NSMCE2: variants seen among roughly 807,000 people sequenced by gnomAD.
The protein encoded by NSMCE2 is E3 SUMO-protein ligase NSE2.
In NSMCE2, 24 loss-of-function variants were observed where a neutral mutation model predicts 23.8. The observed-to-expected ratio is 1.01, with a 90% CI of 0.73 to 1.42. The LOEUF (loss-of-function observed/expected upper bound fraction) is 1.42, where lower values mean the gene tolerates loss of function less well. NSMCE2 is among the 40% of genes most tolerant of loss of function. The pLI is 0.00. For missense variants in NSMCE2, 284 were observed against 296.5 expected (o/e 0.96, Z 0.31); for synonymous variants, 92 against 94.1 (o/e 0.98, Z 0.13).
At position 125,235,761 on chromosome 8, in the gene NSMCE2, A is replaced by C. The variant is rs948774785; in HGVS notation, c.418+53505A>C. Among the ~76,000 whole-genome samples, 26 of 152,362 alleles carry C rather than the reference A, an allele frequency of 1.7e-4. 1 individual carries two copies. The highest frequency in any genetic ancestry group is 1.3e-4 in the Admixed American group (2 of 15,306). ...TCTTCCTTTGGAAAAGAAAATGGAA[A>C]GTCCTCAAGAGCAGGAATGGTTACA... On this transcript the variant is annotated intron_variant, in intron 5 of 7. Transcript: ENST00000287437.
chr8:125,328,445 G>A (rs904679158), intron 5 of NSMCE2, among the ~76,000 whole-genome samples: 75 of 152,290 alleles, frequency 4.9e-4, no homozygotes, highest in Non-Finnish European at 7.9e-4. Context: ...TGAGCACCTC[G>A]AGGGCCTGGA....
In NSMCE2 at chr8:125,303,918, G is replaced by A. The variant is rs74423150; in HGVS notation, c.419-53301G>A. Among the ~76,000 whole-genome samples the A allele has an allele frequency of 4.4e-3, 670 of 152,294 alleles. 6 individuals are homozygous for A. The highest frequency in any genetic ancestry group is 0.016 in the African/African-American group (646 of 41,560). On this transcript the variant is annotated intron_variant, in intron 5 of 7. Transcript: ENST00000287437. Reference sequence around the variant, plus strand: ...AAGATGCATGTCACCTACTTCTTGTGCTGGCTAAAGAAACAATGTTCTTTC... The same window carrying A: ...AAGATGCATGTCACCTACTTCTTGTACTGGCTAAAGAAACAATGTTCTTTC...
At chr8:125,351,695 T>C (rs1036578240) in intron 5 of NSMCE2, among the ~76,000 whole-genome samples, 1 of 152,170 alleles carries the variant, frequency 6.6e-6, no homozygotes, top group African/African-American at 2.4e-5. Context: ...AATGTAGATA[T>C]TTTCTACATT....
intron 5 of NSMCE2, among the ~76,000 whole-genome samples, chr8:125,185,563 C>T (rs1563705302): frequency 6.6e-6 from 1 of 152,320 alleles, no homozygotes; most frequent in South Asian, 2.1e-4. Flanking sequence ...GCCTCAGCCT[C>T]CCAAAATGTT....
intron 5 of NSMCE2, among the ~76,000 whole-genome samples, chr8:125,211,631 G>A (rs929574486): frequency 6.6e-6 from 1 of 152,122 alleles, no homozygotes; most frequent in Non-Finnish European, 1.5e-5. Context: ...AAGGAGACGT[G>A]AATTTTTAGA....
At chr8:125,294,219 C>G (rs1165966540) in intron 5 of NSMCE2, among the ~76,000 whole-genome samples, 1 of 152,096 alleles carries the variant, frequency 6.6e-6, no homozygotes, top group Non-Finnish European at 1.5e-5. Flanking sequence ...TGATGGTCAT[C>G]TGGGTTCTTT....
intron 5 of NSMCE2, among the ~76,000 whole-genome samples, chr8:125,296,157 A>G (rs1390235615): frequency 6.6e-6 from 1 of 152,178 alleles, no homozygotes; most frequent in Non-Finnish European, 1.5e-5. Flanking sequence ...CCATGGCCCT[A>G]TGAACTAGGT....
chr8:125,260,920 G>A (rs1407151264), intron 5 of NSMCE2, among the ~76,000 whole-genome samples: 1 of 151,806 alleles, frequency 6.6e-6, no homozygotes, highest in Non-Finnish European at 1.5e-5. Flanking sequence ...CATCATGCCT[G>A]GCCAAATTTC....
chr8:125,180,069 G>A (rs568563360), intron 4 of NSMCE2, among the ~76,000 whole-genome samples: 9 of 152,226 alleles, frequency 5.9e-5, no homozygotes, highest in African/African-American at 2.2e-4. Flanking sequence ...CTAAGAACCA[G>A]CAATTTATTT....
rs143065139 is a variant in NSMCE2 at position 125,363,542 on chromosome 8, AAG to A, written c.627-3207_627-3206del. Reference sequence around the variant, plus strand: ...GAGGAGAGAAAGAAAGAAAGAAAGAAAGAGAGAGAGAGAGAGAGAGGGAGGGA... The same window carrying A: ...GAGGAGAGAAAGAAAGAAAGAAAGAAAGAGAGAGAGAGAGAGAGGGAGGGA... On this transcript the variant is annotated intron_variant, in intron 7 of 7. Transcript: ENST00000287437. Among the ~76,000 whole-genome samples the A allele has an allele frequency of 1.4e-3, 148 of 102,914 alleles. 1 individual carries two copies. The highest frequency in any genetic ancestry group is 2.9e-3 in the African/African-American group (79 of 27,234). 67.5% of individuals were successfully genotyped at this position (102,914 alleles called of 152,430 possible).
chr8:125,333,470 CTAGATTTCTTTCTAATG>C (rs1164497863), intron 5 of NSMCE2, among the ~76,000 whole-genome samples: 1 of 139,386 alleles, frequency 7.2e-6, no homozygotes, highest in East Asian at 2.1e-4. Flanking sequence ...CCACGCCTTG[CTAGATTTCTTTCTAATG>C]TAGTTTTCCT....
chr8:125,332,186 T>G (rs1264992648), intron 5 of NSMCE2, among the ~76,000 whole-genome samples: 2 of 152,172 alleles, frequency 1.3e-5, no homozygotes, highest in Admixed American at 6.5e-5. Flanking sequence ...TAAAGCAAAT[T>G]TGAGAATTAT....
At chr8:125,137,934 G>A (rs1039527707) in intron 3 of NSMCE2, among the ~76,000 whole-genome samples, 17 of 152,302 alleles carry the variant, frequency 1.1e-4, no homozygotes, top group African/African-American at 4.1e-4. Flanking sequence ...CACATAGTAT[G>A]TGCTCAATAG....
At chr8:125,213,435 A>G (rs1207121474) in intron 5 of NSMCE2, among the ~76,000 whole-genome samples, 6 of 151,688 alleles carry the variant, frequency 4.0e-5, no homozygotes, top group Non-Finnish European at 8.8e-5. Context: ...GTGTGGAGTG[A>G]TTTAGCTCAA....
chr8:125,366,268 C>T (rs942794913), intron 7 of NSMCE2, among the ~76,000 whole-genome samples: 6 of 152,280 alleles, frequency 3.9e-5, no homozygotes, highest in East Asian at 1.9e-4. Context: ...AGGCTGGGCG[C>T]GGTGGCTCAC....
chr8:125,275,557 G>T (rs144484193), intron 5 of NSMCE2, among the ~76,000 whole-genome samples: 139 of 152,104 alleles, frequency 9.1e-4, no homozygotes, highest in African/African-American at 3.2e-3. Flanking sequence ...TTTCCTCGTT[G>T]GCTGCCCAGC....
At chr8:125,184,498 C>G (rs1822997646) in intron 5 of NSMCE2, among the ~76,000 whole-genome samples, 1 of 151,920 alleles carries the variant, frequency 6.6e-6, no homozygotes, top group African/African-American at 2.4e-5. Context: ...TATTGTAACA[C>G]TGGAATTAAA....
At chr8:125,252,316 A>C (rs367547618) in intron 5 of NSMCE2, among the ~76,000 whole-genome samples, 7 of 152,124 alleles carry the variant, frequency 4.6e-5, no homozygotes, top group Non-Finnish European at 1.0e-4. Flanking sequence ...ATCACAAGGT[A>C]AGGAGATTGA....
At chr8:125,355,471 G>A (rs566945237) in intron 5 of NSMCE2, among the ~76,000 whole-genome samples, 79 of 152,234 alleles carry the variant, frequency 5.2e-4, no homozygotes, top group African/African-American at 1.6e-3. Context: ...AGGCCAAGGC[G>A]GGCAGATCAC....
Sources: gnomAD v4.1 joint callset for allele counts (sites outside exome capture counted in the v4.1 genomes callset) on GRCh38, gnomAD v4.1.1 for gene constraint, MANE v1.5 for transcripts, NCBI Gene and HGNC (gene_info 2026-07-23, HGNC 2026-07-21) for gene names.